HIVEP1: variants seen among roughly 807,000 people sequenced by gnomAD.
The protein encoded by HIVEP1 is HIVEP zinc finger 1.
In HIVEP1, 36 loss-of-function variants were observed where a neutral mutation model predicts 180.0. The observed-to-expected ratio is 0.20, with a 90% CI of 0.15 to 0.26. The LOEUF is 0.26. Among genes scored for constraint, HIVEP1 ranks in the 10% least tolerant of loss-of-function variants. The probability of loss-of-function intolerance (pLI) is 1.00; values close to 1 mark genes in which losing one functional copy is unlikely to be tolerated. For synonymous variants in HIVEP1, 1,239 were observed against 1,239.0 expected, an observed-to-expected ratio of 1.00 and a Z score of 0.00; for missense variants, 3,143 against 3,268.7, an observed-to-expected ratio of 0.96 and a Z score of 0.94.
At chr6:12,012,626 G>GTC in intron 1 of HIVEP1, 60 bp downstream of exon 1, 1 of 148,604 alleles carries the variant, frequency 6.7e-6, no homozygotes, top group South Asian at 2.1e-4. Context: ...GGGCGGAGGG[G>GTC]GGGGGGGGCA....
the HIVEP1 span, among the ~76,000 whole-genome samples, chr6:12,179,615 G>C: frequency 6.6e-6 from 1 of 152,186 alleles, no homozygotes; most frequent in Non-Finnish European, 1.5e-5. Context: ...AACACAAGGA[G>C]CTCAAGGCCA....
intron 2 of HIVEP1, among the ~76,000 whole-genome samples, chr6:12,017,580 C>G (rs544359603): frequency 1.3e-5 from 2 of 152,326 alleles, no homozygotes; most frequent in Admixed American, 1.3e-4. Context: ...CCGTCTGGCC[C>G]CACCCACATC....
At chr6:12,171,903 G>A in the HIVEP1 span, among the ~76,000 whole-genome samples, 2 of 152,116 alleles carry the variant, frequency 1.3e-5, no homozygotes, top group African/African-American at 4.8e-5. Context: ...GGGATCAGCC[G>A]GGGAGGCAAT....
downstream of HIVEP1, among the ~76,000 whole-genome samples, chr6:12,168,225 T>TACATATATATTA (rs371343189): frequency 9.9e-6 from 1 of 100,830 alleles, no homozygotes; most frequent in African/African-American, 4.5e-5. Flanking sequence ...TATACATATA[T>TACATATATATTA]TATATACATA....
chr6:12,087,182 A>T (rs1440752716), intron 2 of HIVEP1, among the ~76,000 whole-genome samples: 1 of 152,154 alleles, frequency 6.6e-6, no homozygotes, highest in Admixed American at 6.6e-5. Flanking sequence ...ACTTAGTTGA[A>T]AATTTTAAAA....
chr6:12,013,996 A>T (rs574285731), intron 1 of HIVEP1, among the ~76,000 whole-genome samples: 80 of 152,342 alleles, frequency 5.3e-4, no homozygotes, highest in Non-Finnish European at 1.1e-3. Context: ...GGGATGTTAG[A>T]CACATTCCTT....
At chr6:12,058,054 A>G (rs941186595) in intron 2 of HIVEP1, among the ~76,000 whole-genome samples, 4 of 152,206 alleles carry the variant, frequency 2.6e-5, no homozygotes, top group Non-Finnish European at 5.9e-5. Context: ...AGATGTTTAG[A>G]GTACATAAGT....
At chr6:12,067,828 A>G (rs1306168814) in intron 2 of HIVEP1, among the ~76,000 whole-genome samples, 2 of 152,148 alleles carry the variant, frequency 1.3e-5, no homozygotes, top group Non-Finnish European at 2.9e-5. Flanking sequence ...AATGGCCCCC[A>G]ATGTAGTCTT....
chr6:12,106,487 TTTTA>T (rs1454214949), intron 3 of HIVEP1, among the ~76,000 whole-genome samples: 1 of 152,156 alleles, frequency 6.6e-6, no homozygotes, highest in Admixed American at 6.5e-5. Context: ...ATTTTAATAT[TTTTA>T]TTAATATTAG....
At chr6:12,198,469 T>TATTC in the HIVEP1 span, among the ~76,000 whole-genome samples, 2,716 of 152,296 alleles carry the variant, frequency 0.018, 88 homozygotes, top group African/African-American at 0.061. Flanking sequence ...GGTATTTATT[T>TATTC]ATTCATTCAT....
In HIVEP1 at chr6:12,163,271, C is replaced by A; in HGVS notation, c.6979-12C>A. ...ACCTGTCATAAAAGGATTGCTCTCTCTTGTCATTTAGAGCCCATCATCTGT... is the reference window on the plus strand; with the variant it reads ...ACCTGTCATAAAAGGATTGCTCTCTATTGTCATTTAGAGCCCATCATCTGT... On this transcript the variant is annotated splice_polypyrimidine_tract_variant and intron_variant, in intron 8 of 8. Coordinates refer to ENST00000379388, the MANE Select transcript of HIVEP1 (RefSeq NM_002114.4). 1 of 1,597,996 alleles carries A rather than the reference C, an allele frequency of 6.3e-7. No homozygotes were observed. Among genetic ancestry groups the A allele is most frequent in the Non-Finnish European group, 8.6e-7 (1 of 1,167,634 alleles).
intron 3 of HIVEP1, among the ~76,000 whole-genome samples, chr6:12,117,614 A>G (rs1412640915): frequency 6.6e-6 from 1 of 152,196 alleles, no homozygotes; most frequent in East Asian, 1.9e-4. Context: ...TTAATTTTGA[A>G]TAACATAACT....
chr6:12,076,291 C>T (rs1772345468), intron 2 of HIVEP1, among the ~76,000 whole-genome samples: 1 of 152,078 alleles, frequency 6.6e-6, no homozygotes, highest in African/African-American at 2.4e-5. Context: ...ACTAATTAAG[C>T]ACATGTTTAT....
At chr6:12,165,092 C>T (rs753628473), downstream of HIVEP1, 17 of 510,774 alleles carry the variant, frequency 3.3e-5, no homozygotes, top group Non-Finnish European at 6.2e-5. Flanking sequence ...CCACATTCCC[C>T]TCAACCCTTC....
In HIVEP1 at chr6:12,120,368, T is replaced by C. The variant is rs1231541359; in HGVS notation, c.573T>C (p.Tyr191=). 1.9e-6 allele frequency: 3 copies of C among 1,614,030 alleles called. No individual in the cohort carries two copies. Among genetic ancestry groups the C allele is most frequent in the African/African-American group, 2.7e-5 (2 of 74,918 alleles). Reference sequence around the variant, plus strand: ...ATTGTGGCACTACGTCCCCCTCCTATACAAACACTGCATTCGATGTCTTAC... The same window carrying C: ...ATTGTGGCACTACGTCCCCCTCCTACACAAACACTGCATTCGATGTCTTAC... ...SSHCGTTSPS[Y]TNTAFDVLLK... The change falls in exon 4 of 9, where the codon TAT becomes TAC. Residue 191 remains tyrosine (Y), a synonymous_variant. Coordinates refer to ENST00000379388, the MANE Select transcript of HIVEP1 (RefSeq NM_002114.4).
intron 7 of HIVEP1, among the ~76,000 whole-genome samples, chr6:12,137,905 CAT>C (rs1758793851): frequency 1.3e-5 from 2 of 152,276 alleles, no homozygotes; most frequent in African/African-American, 4.8e-5. Context: ...TGTGTGTACT[CAT>C]GTATTAACAG....
rs554591312 is a variant in HIVEP1, at chr6:12,141,048, A to G, written c.6487+5156A>G. On this transcript the variant is annotated intron_variant, in intron 7 of 8. Coordinates refer to ENST00000379388, the MANE Select transcript of HIVEP1 (RefSeq NM_002114.4). ...ACAAAGATACTCCTTGAGAAGAGCA[A>G]CCGCAAGACACATAATTGTCAGATT... is the stretch of plus-strand genomic sequence containing the variant. 2.8e-3 allele frequency among the ~76,000 whole-genome samples: 422 copies of G among 152,300 alleles called. 6 individuals carry two copies. The highest frequency in any genetic ancestry group is 2.3e-3 in the Non-Finnish European group (155 of 68,020).
At chr6:12,168,012 G>GTGTATATA (rs1760777888), downstream of HIVEP1, among the ~76,000 whole-genome samples, 1 of 18,682 alleles carries the variant, frequency 5.4e-5, no homozygotes, top group African/African-American at 2.5e-4. Context: ...ATATATACAT[G>GTGTATATA]TACATGTATA....
At chr6:12,092,413 T>G (rs1182846446) in intron 3 of HIVEP1, among the ~76,000 whole-genome samples, 2 of 152,192 alleles carry the variant, frequency 1.3e-5, no homozygotes, top group Non-Finnish European at 2.9e-5. Flanking sequence ...TTCATTGTTG[T>G]AATATTGCAC....
Sources: allele counts gnomAD v4.1 joint callset (sites outside exome capture counted in the v4.1 genomes callset), GRCh38; gene constraint gnomAD v4.1.1; transcripts MANE v1.5; gene names NCBI Gene and HGNC (gene_info 2026-07-23, HGNC 2026-07-21).